Variants in ZNF735 observed in about 807,000 individuals in gnomAD.
ZNF735 encodes zinc finger protein 735.
A neutral mutation model predicts 13.4 loss-of-function variants in ZNF735; 11 were observed. The ratio of observed to expected loss-of-function variants is 0.82; its 90% confidence interval spans 0.52 to 1.36. The LOEUF (loss-of-function observed/expected upper bound fraction) is 1.36. Ranked by LOEUF, ZNF735 falls within the 40% of genes most tolerant of loss-of-function variation. The pLI, the probability that ZNF735 is intolerant of heterozygous loss-of-function variation, is 0.00. For synonymous variants in ZNF735, 171 were observed against 162.6 expected (o/e 1.05, Z -0.39); for missense variants, 500 against 484.6 (o/e 1.03, Z -0.30).
intron 1 of ZNF735, among the ~76,000 whole-genome samples, chr7:64,208,277 A>C (rs1475406506): frequency 2.5e-5 from 1 of 39,578 alleles, no homozygotes; most frequent in Non-Finnish European, 5.7e-5. Context: ...TTTTTTTTGG[A>C]GAGGGAGTCT....
chr7:64,210,172 A>ACAT (rs1269040845), intron 1 of ZNF735, among the ~76,000 whole-genome samples: 2 of 152,252 alleles, frequency 1.3e-5, no homozygotes, highest in African/African-American at 4.8e-5. Context: ...GCTCCTGAGC[A>ACAT]CATAGTACCT....
chr7:64,218,844 G>A (rs532141521), intron 3 of ZNF735, among the ~76,000 whole-genome samples: 1 of 152,072 alleles, frequency 6.6e-6, no homozygotes, highest in Non-Finnish European at 1.5e-5. Context: ...GATGTGTCTT[G>A]TCTGCAATTT....
chr7:64,207,368 G>GC, intron 1 of ZNF735, 127 bp downstream of exon 1: 1 of 1,570,398 alleles, frequency 6.4e-7, no homozygotes, highest in African/African-American at 1.4e-5. Context: ...ATCCTCCTTG[G>GC]CCCAGTTCGG....
chr7:64,208,255 T>TTTTG (rs1787315435), intron 1 of ZNF735, among the ~76,000 whole-genome samples: 1 of 59,360 alleles, frequency 1.7e-5, no homozygotes, highest in Non-Finnish European at 3.5e-5. Flanking sequence ...TTTTTTTTTT[T>TTTTG]TTTTTTTTTT....
At chr7:64,212,257 C>A (rs533430371) in intron 1 of ZNF735, among the ~76,000 whole-genome samples, 1 of 152,234 alleles carries the variant, frequency 6.6e-6, no homozygotes, top group South Asian at 2.1e-4. Context: ...TGGGGAAAAC[C>A]CAGACTGCCA....
chr7:64,212,727 G>A (rs1485198788), intron 1 of ZNF735, among the ~76,000 whole-genome samples: 1 of 151,482 alleles, frequency 6.6e-6, no homozygotes, highest in Non-Finnish European at 1.5e-5. Flanking sequence ...CGAGGCGGAG[G>A]TTGCACTGAG....
chr7:64,219,971 G>A, exon 4 of ZNF735: 1 of 1,612,976 alleles, frequency 6.2e-7, no homozygotes, highest in Non-Finnish European at 8.5e-7. Context: ...AAAGCCTTTA[G>A]CGTATCCTCA....
intron 1 of ZNF735, among the ~76,000 whole-genome samples, chr7:64,207,686 T>C (rs894071575): frequency 5.3e-5 from 8 of 152,230 alleles, no homozygotes; most frequent in East Asian, 1.9e-4. Context: ...AATCAAAACG[T>C]GATTCAAGAA....
intron 3 of ZNF735, among the ~76,000 whole-genome samples, chr7:64,216,494 TGAA>T (rs1787424062): frequency 1.3e-5 from 2 of 152,292 alleles, no homozygotes; most frequent in African/African-American, 2.4e-5. Flanking sequence ...AAGAATACAT[TGAA>T]GAGTGTGTTT....
chr7:64,214,395 AAACT>A (rs1562832867), intron 3 of ZNF735, among the ~76,000 whole-genome samples: 2 of 152,166 alleles, frequency 1.3e-5, no homozygotes, highest in African/African-American at 4.8e-5. Flanking sequence ...GGGACTGCAC[AAACT>A]GACTACTTTG....
rs761443909 is a variant in ZNF735, at chr7:64,219,791, G to A, written c.740G>A (p.Gly247Asp). ...AAACCCTACAGATGTGAGGAATGTG[G>A]CAAAGCCTTTAGGTGGCCCTCAAAC... The change falls in exon 4 of 4, where the codon GGC becomes GAC. Residue 247 changes from glycine to aspartate, a missense_variant. By Grantham distance (94) the Gly-to-Asp change is moderately conservative. Coordinates refer to ENST00000429565, the Ensembl canonical transcript of ZNF735. 3 of 1,611,890 alleles carry A rather than the reference G, an allele frequency of 1.9e-6. No individual in the cohort carries two copies. The Admixed American group carries it at 5.0e-5, about 27-fold the overall frequency.
exon 4 of ZNF735, chr7:64,219,694 T>A (rs1166724455): frequency 6.3e-7 from 1 of 1,589,102 alleles, no homozygotes; most frequent in South Asian, 1.1e-5. Context: ...GTCCTACAAA[T>A]GTGAAGAATG....
At chr7:64,215,664 C>A (rs1423628566) in intron 3 of ZNF735, among the ~76,000 whole-genome samples, 1 of 141,054 alleles carries the variant, frequency 7.1e-6, no homozygotes, top group Admixed American at 7.0e-5. Flanking sequence ...TTTTTTTTTT[C>A]AGTCCAAGTA....
At chr7:64,217,182 A>G (rs921846196) in intron 3 of ZNF735, among the ~76,000 whole-genome samples, 1 of 152,154 alleles carries the variant, frequency 6.6e-6, no homozygotes, top group Non-Finnish European at 1.5e-5. Context: ...ATTAATTCAC[A>G]TGAGAGCTGG....
Position 64,219,560 on chromosome 7 carries a change from C to G in ZNF735, c.509C>G (p.Ser170Ter). The G allele has an allele frequency of 6.3e-7, 1 of 1,586,384 alleles. No individual in the cohort carries two copies. Among genetic ancestry groups the G allele is most frequent in the South Asian group, 1.1e-5 (1 of 88,932 alleles). Residue 170 changes from serine to a stop codon, truncating the protein, a stop_gained, in exon 4 of 4, where the codon TCA becomes TGA. Coordinates refer to ENST00000429565, the Ensembl canonical transcript of ZNF735. LOFTEE classifies it low-confidence loss of function (END_TRUNC). ...TGTGTCAAAGTCTTCAGTAAATTTT[C>G]AAATTCCAATAGACACAATGCAAGA...
rs189697510 is a variant in ZNF735 at position 64,211,798 on chromosome 7, G to A, written c.40-1294G>A. On this transcript the variant is annotated intron_variant, in intron 1 of 3. Coordinates refer to ENST00000429565, the Ensembl canonical transcript of ZNF735. ...GGAGAATTGCTTGACCTCAGGAGGC[G>A]GAGGTTGCAGTGACCTGAGATTGCA... Among the ~76,000 whole-genome samples the A allele has an allele frequency of 1.1e-4, 17 of 151,290 alleles. No individual in the cohort carries two copies. In the East Asian group the frequency reaches 1.6e-3, roughly 14 times the overall value.
At chr7:64,213,596 T>C (rs2116483077) in intron 2 of ZNF735, among the ~76,000 whole-genome samples, 1 of 152,312 alleles carries the variant, frequency 6.6e-6, no homozygotes, top group South Asian at 2.1e-4. Flanking sequence ...CAAATAATAT[T>C]AATTTTCTAG....
chr7:64,212,135 G>T (rs1285025527), intron 1 of ZNF735, among the ~76,000 whole-genome samples: 3 of 152,084 alleles, frequency 2.0e-5, no homozygotes, highest in Non-Finnish European at 4.4e-5. Flanking sequence ...TAGCCGAAGT[G>T]CATAAACGAT....
At chr7:64,207,204 T>C in exon 1 of ZNF735, 4 of 1,614,116 alleles carry the variant, frequency 2.5e-6, no homozygotes, top group Non-Finnish European at 3.4e-6. Context: ...CGCAGATTTA[T>C]GGCTAAAAGA....
Sources: allele counts gnomAD v4.1 joint callset (sites outside exome capture counted in the v4.1 genomes callset), GRCh38; gene constraint gnomAD v4.1.1; transcripts MANE v1.5; gene names NCBI Gene and HGNC (gene_info 2026-07-23, HGNC 2026-07-21).